DOK6: variants seen among roughly 807,000 people sequenced by gnomAD.
The protein encoded by DOK6 is downstream of tyrosine kinase 6.
In DOK6, 22 loss-of-function variants were observed where a neutral mutation model predicts 44.0. The observed-to-expected ratio is 0.50, with a 90% CI of 0.36 to 0.71. The LOEUF is 0.71. DOK6 is among the 30% of genes least tolerant of loss of function. The pLI is 0.00. For missense variants in DOK6, 340 were observed against 416.4 expected (o/e 0.82, Z 1.60); for synonymous variants, 166 against 145.5 (o/e 1.14, Z -1.01).
intron 5 of DOK6, among the ~76,000 whole-genome samples, chr18:69,737,882 A>G (rs143468943): frequency 6.6e-6 from 1 of 152,206 alleles, no homozygotes; most frequent in Non-Finnish European, 1.5e-5. Context: ...TCAGATGACT[A>G]TGAACAAAGC....
chr18:69,513,039 G>T (rs1370484920), intron 1 of DOK6, among the ~76,000 whole-genome samples: 1 of 152,020 alleles, frequency 6.6e-6, no homozygotes, highest in Admixed American at 6.5e-5. Flanking sequence ...TTAAATATAT[G>T]AGGTAAAATA....
At chr18:69,782,361 G>A (rs1056003273) in intron 7 of DOK6, among the ~76,000 whole-genome samples, 7 of 151,782 alleles carry the variant, frequency 4.6e-5, no homozygotes, top group Non-Finnish European at 1.5e-5. Flanking sequence ...ACAGGCACCT[G>A]CCACCATGCC....
At chr18:69,666,342 G>GCC (rs1401897044) in intron 3 of DOK6, among the ~76,000 whole-genome samples, 1 of 152,004 alleles carries the variant, frequency 6.6e-6, no homozygotes, top group Admixed American at 6.6e-5. Context: ...TCTATCCAAC[G>GCC]CCCAGTTCAT....
At chr18:69,611,949 TACAC>T (rs56185499) in intron 3 of DOK6, among the ~76,000 whole-genome samples, 5 of 150,078 alleles carry the variant, frequency 3.3e-5, no homozygotes, top group Admixed American at 3.3e-4. Flanking sequence ...ATATAAAACT[TACAC>T]ACACACACAC....
chr18:69,698,587 C>T lies in DOK6; in HGVS notation c.593C>T (p.Ser198Leu). 1.9e-6 allele frequency: 3 copies of T among 1,612,804 alleles called. No homozygotes were observed. The highest frequency in any genetic ancestry group is 2.5e-6 in the Non-Finnish European group (3 of 1,179,500). The change falls in exon 5 of 8, where the codon TCA (serine) becomes TTA (leucine). Residue 198 changes from serine (S) to leucine (L), a missense_variant. Ser to Leu is a moderately radical substitution (Grantham distance 145, BLOSUM62 -2). This residue lies in a region of DOK6 where 206 missense variants were observed against 258.6 expected (regional missense o/e 0.80). Coordinates refer to ENST00000382713, the MANE Select transcript of DOK6 (RefSeq NM_152721.6). ...GACTCAACGTGGTTCACGTTTGAGT[C>T]AGGAAGGTAAGATCTAGTGCAGCAG... The part of the protein sequence containing the change: ...GRDSTWFTFE[S>L]GRMCDTGEGL...
intron 5 of DOK6, among the ~76,000 whole-genome samples, chr18:69,710,288 G>A (rs1986728465): frequency 6.6e-6 from 1 of 152,172 alleles, no homozygotes; most frequent in African/African-American, 2.4e-5. Context: ...TGACTTTTTG[G>A]ACACTGAATA....
intron 7 of DOK6, among the ~76,000 whole-genome samples, chr18:69,827,322 T>C (rs1981769559): frequency 6.6e-6 from 1 of 152,070 alleles, no homozygotes; most frequent in Non-Finnish European, 1.5e-5. Context: ...TGATGAAACA[T>C]AAAAAGTTTT....
chr18:69,719,250 G>T (rs1986951903), intron 5 of DOK6, among the ~76,000 whole-genome samples: 1 of 152,190 alleles, frequency 6.6e-6, no homozygotes, highest in Admixed American at 6.5e-5. Flanking sequence ...CTGCTGATTG[G>T]TTGGGGATAA....
chr18:69,767,106 C>A (rs1290980088), intron 7 of DOK6, among the ~76,000 whole-genome samples: 1 of 152,088 alleles, frequency 6.6e-6, no homozygotes, highest in African/African-American at 2.4e-5. Flanking sequence ...GTGGCTCACA[C>A]CTGTAATTCC....
chr18:69,736,974 C>T (rs954871127), intron 5 of DOK6, among the ~76,000 whole-genome samples: 8 of 152,166 alleles, frequency 5.3e-5, no homozygotes, highest in African/African-American at 1.7e-4. Flanking sequence ...GCTACTGATC[C>T]GTGGACCATG....
intron 1 of DOK6, among the ~76,000 whole-genome samples, chr18:69,537,049 C>T (rs183870766): frequency 5.3e-5 from 8 of 151,036 alleles, no homozygotes; most frequent in African/African-American, 1.7e-4. Context: ...TTGACCGGGT[C>T]GGTCTGAAAC....
chr18:69,781,653 T>A (rs1269263011), intron 7 of DOK6, among the ~76,000 whole-genome samples: 1 of 152,192 alleles, frequency 6.6e-6, no homozygotes, highest in Non-Finnish European at 1.5e-5. Flanking sequence ...CAAAGTAGAT[T>A]TAAAATAGTG....
chr18:69,641,097 T>C (rs758394520), intron 3 of DOK6, among the ~76,000 whole-genome samples: 1 of 151,970 alleles, frequency 6.6e-6, no homozygotes, highest in African/African-American at 2.4e-5. Flanking sequence ...GTGCCTGTAG[T>C]CCCAGTTACT....
chr18:69,737,722 C>T (rs1978659608), intron 5 of DOK6, among the ~76,000 whole-genome samples: 1 of 152,140 alleles, frequency 6.6e-6, no homozygotes, highest in Non-Finnish European at 1.5e-5. Flanking sequence ...AGACAAAAAT[C>T]CCTCCTGTAA....
chr18:69,584,107 CAAAAAAAA>C (rs370695841), intron 2 of DOK6, among the ~76,000 whole-genome samples: 1 of 91,304 alleles, frequency 1.1e-5, no homozygotes, highest in African/African-American at 3.6e-5. Context: ...GACTCCGTCT[CAAAAAAAA>C]AAAAAAAAAA....
At chr18:69,580,281 A>G (rs184307556) in intron 2 of DOK6, among the ~76,000 whole-genome samples, 49 of 152,256 alleles carry the variant, frequency 3.2e-4, no homozygotes, top group African/African-American at 1.1e-3. Flanking sequence ...TTGTAGCTGT[A>G]GAGCTGACTT....
chr18:69,744,242 G>A (rs1001738127), intron 6 of DOK6, among the ~76,000 whole-genome samples: 21 of 151,592 alleles, frequency 1.4e-4, no homozygotes, highest in African/African-American at 3.4e-4. Flanking sequence ...CCCGGGAGGC[G>A]GAGGTTGCAG....
intron 1 of DOK6, among the ~76,000 whole-genome samples, chr18:69,536,232 G>C (rs765826398): frequency 2.0e-5 from 3 of 152,056 alleles, no homozygotes; most frequent in Non-Finnish European, 4.4e-5. Context: ...ACTGATACAC[G>C]TATAATTACC....
chr18:69,777,008 G>GGGA lies in DOK6; in HGVS notation c.856+19138_856+19140dup, dbSNP rs542707390. ...ACTCTGGGGACTGTTGTTGGGTGGG[G>GGGA]GGAGGGATAGCATTAGGAGGTATAC... On this transcript the variant is annotated intron_variant, in intron 7 of 7. Coordinates refer to ENST00000382713, the MANE Select transcript of DOK6 (RefSeq NM_152721.6). Among the ~76,000 whole-genome samples the GGGA allele has an allele frequency of 2.5e-5, 3 of 119,652 alleles. No homozygotes were observed. The East Asian group carries it at 9.3e-4, about 37-fold the overall frequency. The allele number at this position is 119,652 out of a possible 152,430, so 78.5% of individuals were successfully genotyped here.
Sources: allele counts gnomAD v4.1 joint callset (sites outside exome capture counted in the v4.1 genomes callset), GRCh38; gene constraint gnomAD v4.1.1; regional missense constraint gnomAD v4.1.1; transcripts MANE v1.5; gene names NCBI Gene and HGNC (gene_info 2026-07-23, HGNC 2026-07-21).